CLIP4: variants seen among roughly 807,000 people sequenced by gnomAD.
CLIP4 encodes CAP-Gly domain-containing linker protein 4.
A neutral mutation model predicts 73.1 loss-of-function variants in CLIP4; 47 were observed. The observed-to-expected ratio is 0.64, with a 90% CI of 0.51 to 0.82. The LOEUF is 0.82. Among genes scored for constraint, CLIP4 ranks in the 40% least tolerant of loss-of-function variants. The pLI, the probability that CLIP4 is intolerant of heterozygous loss-of-function variation, is 0.00. For missense variants in CLIP4, 874 were observed against 852.9 expected (o/e 1.02, Z -0.31); for synonymous variants, 306 against 295.4 (o/e 1.04, Z -0.37).
At chr2:29,099,636 T>C (rs989419042) in intron 1 of CLIP4, among the ~76,000 whole-genome samples, 1 of 152,356 alleles carries the variant, frequency 6.6e-6, no homozygotes, top group Admixed American at 6.5e-5. Flanking sequence ...GTAGTGTCAA[T>C]CCTCTGACTT....
At chr2:29,127,879 A>G (rs988057253) in intron 2 of CLIP4, among the ~76,000 whole-genome samples, 1 of 152,184 alleles carries the variant, frequency 6.6e-6, no homozygotes. Flanking sequence ...ATTTTAATGC[A>G]ATTGACAAGG....
intron 6 of CLIP4, among the ~76,000 whole-genome samples, chr2:29,142,653 CA>C (rs1304315917): frequency 6.6e-6 from 1 of 152,028 alleles, no homozygotes; most frequent in Non-Finnish European, 1.5e-5. Context: ...AATTTTAAAA[CA>C]AAAAAATGCG....
At chr2:29,158,256 GAC>G (rs1667055304) in intron 11 of CLIP4, among the ~76,000 whole-genome samples, 1 of 152,196 alleles carries the variant, frequency 6.6e-6, no homozygotes, top group Non-Finnish European at 1.5e-5. Flanking sequence ...GTACAGTGCT[GAC>G]ACAGCCATCC....
chr2:29,130,828 A>C, intron 2 of CLIP4: 1 of 1,289,312 alleles, frequency 7.8e-7, no homozygotes. Flanking sequence ...AGAAAGCAAA[A>C]ACAAAAAAAC....
rs1665625490 is a variant in CLIP4 at position 29,139,685 on chromosome 2, CA to C, written c.648+4020del. On this transcript the variant is annotated intron_variant, in intron 6 of 15. Coordinates refer to ENST00000320081, the MANE Select transcript of CLIP4 (RefSeq NM_024692.6). ...CTAATTATTGGTGTGTTCAGGGTTT[CA>C]CTTTCTTCCTGGTTCTTGGAAGGTT... Among the ~76,000 whole-genome samples, 3 of 152,054 alleles carry C rather than the reference CA, an allele frequency of 2.0e-5. No individual in the cohort carries two copies. The South Asian group carries it at 6.2e-4, about 32-fold the overall frequency.
At position 29,181,915 on chromosome 2, in the gene CLIP4, C is replaced by A; in HGVS notation, c.*22C>A. On this transcript the variant is annotated 3_prime_UTR_variant, in exon 16 of 16. Coordinates refer to ENST00000320081, the MANE Select transcript of CLIP4 (RefSeq NM_024692.6). ...TTAAGCTTCTAAAATATTAAATAAGCTCAAATATATATATTTGGTGTAAAT... is the reference window on the plus strand; with the variant it reads ...TTAAGCTTCTAAAATATTAAATAAGATCAAATATATATATTTGGTGTAAAT... The A allele has an allele frequency of 6.5e-7, 1 of 1,543,994 alleles. No homozygotes were observed. The highest frequency in any genetic ancestry group is 8.8e-7 in the Non-Finnish European group (1 of 1,136,068).
intron 3 of CLIP4, 41 bp downstream of exon 3, chr2:29,131,438 T>C (rs202154099): frequency 6.4e-7 from 1 of 1,555,762 alleles, no homozygotes; most frequent in Non-Finnish European, 8.6e-7. Context: ...TTGTTAGGAT[T>C]GTTAATGGTA....
chr2:29,100,007 C>T lies in CLIP4; in HGVS notation c.-16+2060C>T, dbSNP rs576930867. 1.6e-4 allele frequency among the ~76,000 whole-genome samples: 25 copies of T among 152,118 alleles called. 1 individual carries two copies. The highest frequency in any genetic ancestry group is 1.2e-3 in the South Asian group (6 of 4,810). On this transcript the variant is annotated intron_variant, in intron 1 of 14. Transcript: ENST00000401605. Reference sequence around the variant, plus strand: ...TCCCATTGTTAACTGCTGGTATATACGAAAGCAATTGACTTAAAATTTTAT... The same window carrying T: ...TCCCATTGTTAACTGCTGGTATATATGAAAGCAATTGACTTAAAATTTTAT...
At chr2:29,173,237 A>T (rs1467740204) in intron 14 of CLIP4, among the ~76,000 whole-genome samples, 1 of 152,258 alleles carries the variant, frequency 6.6e-6, no homozygotes, top group Admixed American at 6.5e-5. Context: ...TTGTATTACA[A>T]GATAACATGA....
intron 13 of CLIP4, 56 bp from the exon 14 acceptor site, chr2:29,167,420 G>A (rs1255469649): frequency 9.2e-6 from 12 of 1,298,184 alleles, no homozygotes; most frequent in Middle Eastern, 1.9e-4. Flanking sequence ...TTGATAACCA[G>A]TCTTAAACCT....
In CLIP4 at chr2:29,165,977, A is replaced by ATTC. The variant is rs1558574604; in HGVS notation, c.1659-1499_1659-1498insTTC. Among the ~76,000 whole-genome samples the ATTC allele has an allele frequency of 1.0e-3, 121 of 115,290 alleles. 1 individual carries two copies. The highest frequency in any genetic ancestry group is 7.5e-3 in the Middle Eastern group (2 of 266). The allele number at this position is 115,290 out of a possible 152,430, so 75.6% of individuals were successfully genotyped here. ...TTAAAAAGCAGCCCCCTCTTCTTCA[A>ATTC]AAAAAAAAAAATAGGGCTGTCTCTA... is the stretch of plus-strand genomic sequence containing the variant. On this transcript the variant is annotated intron_variant, in intron 13 of 15. Coordinates refer to ENST00000320081, the MANE Select transcript of CLIP4 (RefSeq NM_024692.6).
chr2:29,156,492 A>G (rs774443266), intron 10 of CLIP4, 49 bp downstream of exon 10: 3 of 1,305,610 alleles, frequency 2.3e-6, no homozygotes, highest in Non-Finnish European at 3.2e-6. Context: ...TTTTGATGGA[A>G]CTTTAAAATA....
chr2:29,140,040 T>C (rs536530912), intron 6 of CLIP4, among the ~76,000 whole-genome samples: 1 of 152,138 alleles, frequency 6.6e-6, no homozygotes, highest in South Asian at 2.1e-4. Context: ...TCTTATTTAT[T>C]TTTTTAACGT....
At chr2:29,147,010 A>G (rs1436612239) in intron 8 of CLIP4, among the ~76,000 whole-genome samples, 1 of 152,186 alleles carries the variant, frequency 6.6e-6, no homozygotes, top group East Asian at 1.9e-4. Flanking sequence ...TTGTTTATAA[A>G]AATGCTGATT....
At chr2:29,129,942 A>T (rs1572902084) in intron 2 of CLIP4, 1 of 466,650 alleles carries the variant, frequency 2.1e-6, no homozygotes. Flanking sequence ...AGATTCTCTG[A>T]AAGGTCTTAA....
chr2:29,152,736 A>G lies in CLIP4; in HGVS notation c.1073A>G (p.Asn358Ser). ...KISKAKGRRK[N>S]ITHTPSTKAA... ...AGTAAAGCAAAAGGTCGAAGGAAGA[A>G]TATAACACACACTCCTTCTACAAAA... is the stretch of plus-strand genomic sequence containing the variant. The change falls in exon 9 of 16, where the codon AAT (asparagine) becomes AGT (serine). Residue 358 changes from asparagine to serine, a missense_variant. Asn to Ser is a conservative substitution (Grantham distance 46). Coordinates refer to ENST00000320081, the MANE Select transcript of CLIP4 (RefSeq NM_024692.6). 4 of 1,613,822 alleles carry G rather than the reference A, an allele frequency of 2.5e-6. No homozygotes were observed. The highest frequency in any genetic ancestry group is 3.4e-6 in the Non-Finnish European group (4 of 1,179,824).
At chr2:29,142,374 G>A (rs1665833266) in intron 6 of CLIP4, among the ~76,000 whole-genome samples, 1 of 151,796 alleles carries the variant, frequency 6.6e-6, no homozygotes, top group Admixed American at 6.6e-5. Flanking sequence ...TGTGTGACAG[G>A]TTCCAAAAAG....
intron 12 of CLIP4, among the ~76,000 whole-genome samples, chr2:29,163,623 A>G (rs1343877581): frequency 2.6e-5 from 4 of 152,144 alleles, no homozygotes; most frequent in Non-Finnish European, 4.4e-5. Flanking sequence ...CTGCTCTGCA[A>G]TTATGCTTGT....
At chr2:29,123,728 G>A (rs73922970) in intron 2 of CLIP4, among the ~76,000 whole-genome samples, 4,697 of 152,212 alleles carry the variant, frequency 0.031, 248 homozygotes, top group African/African-American at 0.11. Context: ...GTAAGACACC[G>A]GCCAGGTCAT....
Sources: gnomAD v4.1 joint callset for allele counts (sites outside exome capture counted in the v4.1 genomes callset) on GRCh38, gnomAD v4.1.1 for gene constraint, MANE v1.5 for transcripts, NCBI Gene and HGNC (gene_info 2026-07-23, HGNC 2026-07-21) for gene names.